Variants in CDK6 observed in about 807,000 individuals in gnomAD.
CDK6 encodes cyclin-dependent kinase 6.
In CDK6, 6 loss-of-function variants were observed where a neutral mutation model predicts 37.1. The observed-to-expected ratio is 0.16, with a 90% CI of 0.09 to 0.32. CDK6 has a LOEUF of 0.32. CDK6 is among the 10% of genes least tolerant of loss of function. The pLI, the probability that CDK6 is intolerant of heterozygous loss-of-function variation, is 1.00. For synonymous variants in CDK6, 160 were observed against 161.3 expected, an observed-to-expected ratio of 0.99 and a Z score of 0.06; for missense variants, 224 against 418.9, an observed-to-expected ratio of 0.53 and a Z score of 4.06.
In CDK6 at chr7:92,833,650, T is replaced by C. The variant is rs1311555303; in HGVS notation, c.-327A>G. ...AGTCCTCAACACAGACACGATTACATAGCCTCTGCCCAAGCGCGTCTCAGT... is the reference window on the plus strand; with the variant it reads ...AGTCCTCAACACAGACACGATTACACAGCCTCTGCCCAAGCGCGTCTCAGT... On this transcript the variant is annotated 5_prime_UTR_variant, in exon 2 of 8. An upstream start codon of the reference 5' UTR is lost. Coordinates refer to ENST00000424848, the MANE Select transcript of CDK6 (RefSeq NM_001145306.2). This position sits in a 1 kb window ranked among gnomAD's most constrained non-coding sequence, Gnocchi z 6.1. 6.1e-6 allele frequency: 3 copies of C among 495,080 alleles called. No individual in the cohort carries two copies. The highest frequency in any genetic ancestry group is 3.6e-5 in the South Asian group (1 of 27,460). 30.7% of individuals were successfully genotyped at this position (495,080 alleles called of 1,614,324 possible).
chr7:92,833,045 G>T lies in CDK6; in HGVS notation c.233+46C>A, dbSNP rs1481633589. On this transcript the variant is annotated intron_variant, in intron 2 of 7. Transcript: ENST00000424848. This position sits in a 1 kb window ranked among gnomAD's most constrained non-coding sequence, Gnocchi z 6.1. ...GAGGATTCCCGGCTCGGCCCTCCCC[G>T]CGCGCGCGAGGCCCCAGATGGCGAG... The T allele has an allele frequency of 3.6e-6, 5 of 1,380,204 alleles. No homozygotes were observed. The African/African-American group carries it at 4.3e-5, about 12-fold the overall frequency. The allele number at this position is 1,380,204 out of a possible 1,614,324, so 85.5% of individuals were successfully genotyped here.
At chr7:92,680,462 A>G (rs997312562) in intron 4 of CDK6, among the ~76,000 whole-genome samples, 3 of 143,726 alleles carry the variant, frequency 2.1e-5, no homozygotes, top group Non-Finnish European at 3.0e-5. Flanking sequence ...AAAAAAAAAA[A>G]GCATTAAATA....
intron 4 of CDK6, among the ~76,000 whole-genome samples, chr7:92,672,158 T>TACAC (rs1554401686): frequency 1.9e-5 from 2 of 102,732 alleles, no homozygotes; most frequent in African/African-American, 4.2e-5. Context: ...TATATATATA[T>TACAC]ATACACATAC....
intron 3 of CDK6, among the ~76,000 whole-genome samples, chr7:92,741,446 T>G (rs926815104): frequency 6.6e-6 from 1 of 152,208 alleles, no homozygotes; most frequent in Non-Finnish European, 1.5e-5. Flanking sequence ...AATTCAAGTT[T>G]AACTGAATGT....
intron 4 of CDK6, among the ~76,000 whole-genome samples, chr7:92,693,052 T>C (rs1380278614): frequency 6.6e-6 from 1 of 152,222 alleles, no homozygotes; most frequent in African/African-American, 2.4e-5. Context: ...TTGGTATTTT[T>C]ACCATATTTG....
chr7:92,806,768 C>T (rs997230296), intron 2 of CDK6, among the ~76,000 whole-genome samples: 11 of 152,166 alleles, frequency 7.2e-5, no homozygotes, highest in African/African-American at 1.9e-4. Flanking sequence ...TTCACTCTGA[C>T]ATTCAGAGCA....
At position 92,623,386 on chromosome 7, in the gene CDK6, T is replaced by G. The variant is rs3731350; in HGVS notation, c.648-300A>C. Among the ~76,000 whole-genome samples, 551 of 152,282 alleles carry G rather than the reference T, an allele frequency of 3.6e-3. 3 individuals are homozygous for G. The highest frequency in any genetic ancestry group is 5.1e-3 in the Non-Finnish European group (346 of 68,004). On this transcript the variant is annotated intron_variant, in intron 5 of 7. Coordinates refer to ENST00000424848, the MANE Select transcript of CDK6 (RefSeq NM_001145306.2). ...CAAATTCAGTTCCAGGTTTCAAAGA[T>G]CTGCTTAACTTCGTGATAAGGTGGA... is the stretch of plus-strand genomic sequence containing the variant.
intron 5 of CDK6, among the ~76,000 whole-genome samples, chr7:92,647,142 G>C (rs1385059738): frequency 6.6e-6 from 1 of 152,172 alleles, no homozygotes; most frequent in African/African-American, 2.4e-5. Flanking sequence ...CATTTACTTA[G>C]TAGCCACTTT....
chr7:92,727,200 G>C (rs1798533419), intron 3 of CDK6, among the ~76,000 whole-genome samples: 1 of 152,164 alleles, frequency 6.6e-6, no homozygotes, highest in Non-Finnish European at 1.5e-5. Context: ...GTATACAAGG[G>C]AGGATGGAGC....
At chr7:92,651,808 T>C (rs1271334944) in intron 5 of CDK6, among the ~76,000 whole-genome samples, 1 of 151,760 alleles carries the variant, frequency 6.6e-6, no homozygotes, top group Non-Finnish European at 1.5e-5. Context: ...GTTAACTCTC[T>C]AGTGGTGGAA....
intron 2 of CDK6, among the ~76,000 whole-genome samples, chr7:92,831,165 C>G (rs981618663): frequency 6.6e-6 from 1 of 152,116 alleles, no homozygotes; most frequent in Admixed American, 6.5e-5. Flanking sequence ...AGTACAGAAT[C>G]CAAGTCATGG....
intron 4 of CDK6, among the ~76,000 whole-genome samples, chr7:92,720,513 C>A (rs1434293944): frequency 1.3e-5 from 2 of 152,134 alleles, no homozygotes; most frequent in Non-Finnish European, 2.9e-5. Flanking sequence ...CCAATGGCAA[C>A]AATATCACCC....
chr7:92,823,941 A>G (rs1389224082), intron 2 of CDK6, among the ~76,000 whole-genome samples: 2 of 152,110 alleles, frequency 1.3e-5, no homozygotes, highest in Non-Finnish European at 2.9e-5. Flanking sequence ...TGCTAGAATT[A>G]CAGGTGTGAG....
At chr7:92,714,491 G>C (rs1562944372) in intron 4 of CDK6, among the ~76,000 whole-genome samples, 1 of 152,094 alleles carries the variant, frequency 6.6e-6, no homozygotes, top group Non-Finnish European at 1.5e-5. Context: ...TGGGCAATGG[G>C]GAGTCACTGG....
intron 1 of CDK6, among the ~76,000 whole-genome samples, chr7:92,836,275 A>C (rs1381868448): frequency 6.6e-6 from 1 of 151,676 alleles, no homozygotes; most frequent in Non-Finnish European, 1.5e-5. Flanking sequence ...CTAGCTCCCC[A>C]AAACTGGCCC....
At chr7:92,689,742 C>T (rs557692296) in intron 4 of CDK6, among the ~76,000 whole-genome samples, 10 of 152,320 alleles carry the variant, frequency 6.6e-5, no homozygotes, top group African/African-American at 2.4e-4. Context: ...CTAATTTACA[C>T]TCCCACCAAC....
At chr7:92,695,535 C>T (rs926421722) in intron 4 of CDK6, among the ~76,000 whole-genome samples, 8 of 152,172 alleles carry the variant, frequency 5.3e-5, no homozygotes, top group African/African-American at 1.9e-4. Flanking sequence ...GGCTAAGTTC[C>T]ATGTGAAGCC....
At chr7:92,718,015 G>C (rs1331698663) in intron 4 of CDK6, among the ~76,000 whole-genome samples, 1 of 152,060 alleles carries the variant, frequency 6.6e-6, no homozygotes, top group Non-Finnish European at 1.5e-5. Context: ...TTTCATGTTT[G>C]TTTTGGCTCT....
At chr7:92,673,751 G>A (rs1057356271) in intron 4 of CDK6, among the ~76,000 whole-genome samples, 9 of 151,774 alleles carry the variant, frequency 5.9e-5, no homozygotes, top group Non-Finnish European at 1.2e-4. Flanking sequence ...AACTTTTTGG[G>A]TTGGAGTTTT....
Sources: gnomAD v4.1 joint callset for allele counts (sites outside exome capture counted in the v4.1 genomes callset) on GRCh38, gnomAD v4.1.1 for gene constraint, Gnocchi (gnomAD v3.1) non-coding constraint, MANE v1.5 for transcripts, NCBI Gene and HGNC (gene_info 2026-07-23, HGNC 2026-07-21) for gene names.